PITPNC1: variants seen among roughly 807,000 people sequenced by gnomAD.
PITPNC1 encodes cytoplasmic phosphatidylinositol transfer protein 1.
Under a neutral mutation model 44.7 loss-of-function variants are expected in PITPNC1, and 18 were observed. The ratio of observed to expected loss-of-function variants is 0.40; its 90% CI spans 0.28 to 0.60. The LOEUF (loss-of-function observed/expected upper bound fraction) is 0.60, where lower values mean the gene tolerates loss of function less well. PITPNC1 is among the 20% of genes least tolerant of loss of function. PITPNC1 has a pLI of 0.39. For synonymous variants in PITPNC1, 141 were observed against 149.6 expected (o/e 0.94, Z 0.42); for missense variants, 290 against 418.4 (o/e 0.69, Z 2.68).
Position 67,378,053 on chromosome 17 carries a change from G to A in PITPNC1, c.-102G>A. On this transcript the variant is annotated 5_prime_UTR_variant, in exon 1 of 9. Transcript: ENST00000581322. ...GGGCTGCTTCGCCCTCCGGCTCCGA[G>A]CGCCGGGCTCCGGGCGCCCTGCCCT... 1 of 630,702 alleles carries A rather than the reference G, an allele frequency of 1.6e-6. No individual in the cohort carries two copies. Among genetic ancestry groups the A allele is most frequent in the South Asian group, 2.9e-5 (1 of 34,708 alleles). The allele number at this position is 630,702 out of a possible 1,614,324, so 39.1% of individuals were successfully genotyped here.
chr17:67,382,593 A>G (rs1052116078), intron 1 of PITPNC1, among the ~76,000 whole-genome samples: 29 of 152,052 alleles, frequency 1.9e-4, no homozygotes, highest in Admixed American at 3.3e-4. Context: ...AACATTTGGT[A>G]GACGTAGATG....
chr17:67,641,681 C>T (rs1363373773), intron 6 of PITPNC1, among the ~76,000 whole-genome samples: 1 of 151,864 alleles, frequency 6.6e-6, no homozygotes, highest in Non-Finnish European at 1.5e-5. Context: ...CCTGGAGTAC[C>T]AGCTACTCTG....
chr17:67,470,524 G>A (rs1257499414), intron 1 of PITPNC1, among the ~76,000 whole-genome samples: 2 of 152,184 alleles, frequency 1.3e-5, no homozygotes, highest in Non-Finnish European at 2.9e-5. Flanking sequence ...CACTTCTTTT[G>A]CTCAACACAA....
At chr17:67,604,518 C>T (rs965341972) in intron 5 of PITPNC1, among the ~76,000 whole-genome samples, 17 of 152,372 alleles carry the variant, frequency 1.1e-4, no homozygotes, top group African/African-American at 4.1e-4. Flanking sequence ...CACGGTCACT[C>T]ACGCCTGTAA....
intron 5 of PITPNC1, among the ~76,000 whole-genome samples, chr17:67,616,095 G>A (rs1479232043): frequency 6.6e-6 from 1 of 152,040 alleles, no homozygotes; most frequent in Non-Finnish European, 1.5e-5. Flanking sequence ...TGATCCTTCC[G>A]CATGTACTTT....
chr17:67,619,003 G>T (rs2041796787), intron 5 of PITPNC1, among the ~76,000 whole-genome samples: 1 of 151,980 alleles, frequency 6.6e-6, no homozygotes, highest in African/African-American at 2.4e-5. Flanking sequence ...ATCTTGCAGT[G>T]AGCCGAGATT....
chr17:67,470,667 C>T (rs567901796), intron 1 of PITPNC1, among the ~76,000 whole-genome samples: 2 of 152,218 alleles, frequency 1.3e-5, no homozygotes, highest in South Asian at 4.1e-4. Flanking sequence ...AAGTGAGGAG[C>T]CCCTCTGCCC....
chr17:67,515,759 T>G (rs1451959041), intron 1 of PITPNC1, among the ~76,000 whole-genome samples: 1 of 152,222 alleles, frequency 6.6e-6, no homozygotes, highest in Non-Finnish European at 1.5e-5. Flanking sequence ...ATTCAGCACT[T>G]GTCCTGAGTA....
chr17:67,602,006 C>A (rs1279872678), intron 5 of PITPNC1, among the ~76,000 whole-genome samples: 2 of 152,016 alleles, frequency 1.3e-5, no homozygotes, highest in Non-Finnish European at 2.9e-5. Context: ...TCAAAGATAA[C>A]CTTTATGGGA....
chr17:67,577,176 C>T (rs1177290205), intron 4 of PITPNC1, among the ~76,000 whole-genome samples: 1 of 152,084 alleles, frequency 6.6e-6, no homozygotes, highest in Non-Finnish European at 1.5e-5. Context: ...GCTGTAGTCC[C>T]AGCTACCTGG....
chr17:67,535,790 T>G (rs1192753212), intron 2 of PITPNC1, among the ~76,000 whole-genome samples: 1 of 151,604 alleles, frequency 6.6e-6, no homozygotes, highest in Non-Finnish European at 1.5e-5. Context: ...GAAACCAGAG[T>G]GGAAAGCAGA....
chr17:67,610,899 G>A (rs777813352), intron 5 of PITPNC1, among the ~76,000 whole-genome samples: 22 of 143,262 alleles, frequency 1.5e-4, no homozygotes, highest in Middle Eastern at 3.7e-3. Flanking sequence ...CCAGCCTGGC[G>A]ACAGGGTGAG....
chr17:67,641,975 G>A (rs1265485143), intron 6 of PITPNC1, among the ~76,000 whole-genome samples: 1 of 152,016 alleles, frequency 6.6e-6, no homozygotes, highest in Non-Finnish European at 1.5e-5. Flanking sequence ...AAAAGTGAAA[G>A]TGTTGAGTCA....
intron 8 of PITPNC1, 103 bp from the exon 9 acceptor site, chr17:67,692,469 T>C: frequency 1.2e-6 from 1 of 811,148 alleles, no homozygotes; most frequent in Non-Finnish European, 2.0e-6. Flanking sequence ...GGCCCCTTTA[T>C]GATAGGGTTC....
intron 1 of PITPNC1, among the ~76,000 whole-genome samples, chr17:67,444,437 G>T (rs376725373): frequency 2.6e-5 from 4 of 152,070 alleles, no homozygotes; most frequent in Non-Finnish European, 5.9e-5. Flanking sequence ...TGGCGGAGGG[G>T]GGTGAGCAGA....
chr17:67,535,054 G>A (rs999207084), intron 2 of PITPNC1, among the ~76,000 whole-genome samples: 1 of 152,234 alleles, frequency 6.6e-6, no homozygotes, highest in South Asian at 2.1e-4. Context: ...AAGGGCATGA[G>A]CTGATTAAAC....
At chr17:67,410,360 G>A (rs55749077) in intron 1 of PITPNC1, among the ~76,000 whole-genome samples, 48,770 of 151,924 alleles carry the variant, frequency 0.32, 8,373 homozygotes, top group Middle Eastern at 0.4. Flanking sequence ...CCTTAAACAG[G>A]TCTTTGGCTG....
chr17:67,425,199 A>ACG (rs1567984726), intron 1 of PITPNC1, among the ~76,000 whole-genome samples: 6 of 62,602 alleles, frequency 9.6e-5, no homozygotes, highest in African/African-American at 3.5e-4. Context: ...GCGCGCACGC[A>ACG]CACGCACACA....
At chr17:67,601,182 T>C (rs2041534594) in intron 5 of PITPNC1, among the ~76,000 whole-genome samples, 1 of 152,162 alleles carries the variant, frequency 6.6e-6, no homozygotes, top group African/African-American at 2.4e-5. Context: ...GGACACATTG[T>C]CATGAAACTG....
Sources: allele counts gnomAD v4.1 joint callset (sites outside exome capture counted in the v4.1 genomes callset), GRCh38; gene constraint gnomAD v4.1.1; transcripts MANE v1.5; gene names NCBI Gene and HGNC (gene_info 2026-07-23, HGNC 2026-07-21).